MAPK10: variants seen among roughly 807,000 people sequenced by gnomAD.
MAPK10 encodes the protein JNK3 alpha protein kinase.
MAPK10 carries 25 observed loss-of-function variants against 59.3 expected under a neutral mutation model. The observed-to-expected ratio is 0.42, with a 90% confidence interval of 0.31 to 0.59. MAPK10 has a LOEUF of 0.59. Among genes scored for constraint, MAPK10 ranks in the 20% least tolerant of loss-of-function variants. The pLI is 0.15. For synonymous variants in MAPK10, 190 were observed against 200.5 expected (o/e 0.95, Z 0.44); for missense variants, 351 against 568.9 (o/e 0.62, Z 3.90).
chr4:86,166,368 G>C (rs1296448932), intron 3 of MAPK10, among the ~76,000 whole-genome samples: 1 of 152,046 alleles, frequency 6.6e-6, no homozygotes, highest in Non-Finnish European at 1.5e-5. Context: ...TTAGTGGAAA[G>C]GTTAAATAAG....
intron 2 of MAPK10, among the ~76,000 whole-genome samples, chr4:86,263,986 T>A (rs2094124699): frequency 6.6e-6 from 1 of 152,208 alleles, no homozygotes; most frequent in African/African-American, 2.4e-5. Flanking sequence ...TTCTCTCATA[T>A]GAATTCACAA....
At chr4:86,303,951 C>T (rs890323942) in intron 2 of MAPK10, among the ~76,000 whole-genome samples, 13 of 152,132 alleles carry the variant, frequency 8.5e-5, no homozygotes, top group African/African-American at 2.9e-4. Flanking sequence ...TCTGCACACA[C>T]CTATGGAATC....
intron 1 of MAPK10, among the ~76,000 whole-genome samples, chr4:86,380,869 A>AC (rs1740593560): frequency 1.3e-5 from 2 of 151,628 alleles, no homozygotes; most frequent in African/African-American, 2.4e-5. Flanking sequence ...TAAAAAAAAA[A>AC]AAAAAACACT....
intron 1 of MAPK10, among the ~76,000 whole-genome samples, chr4:86,588,993 T>C (rs1762830815): frequency 6.6e-6 from 1 of 152,126 alleles, no homozygotes. Flanking sequence ...GAGGATTTCG[T>C]TTCTGTGGGG....
intron 11 of MAPK10, among the ~76,000 whole-genome samples, chr4:86,042,258 G>A (rs1272690267): frequency 6.6e-6 from 1 of 152,190 alleles, no homozygotes; most frequent in African/African-American, 2.4e-5. Flanking sequence ...TCACTCATAA[G>A]TGAGAGTTGA....
chr4:86,396,706 C>A (rs1297458875), intron 1 of MAPK10, among the ~76,000 whole-genome samples: 1 of 152,104 alleles, frequency 6.6e-6, no homozygotes, highest in Non-Finnish European at 1.5e-5. Context: ...GAAACGGGAA[C>A]AGGTATGTCA....
intron 1 of MAPK10, among the ~76,000 whole-genome samples, chr4:86,429,234 G>A (rs1025472171): frequency 1.3e-4 from 20 of 152,188 alleles, no homozygotes; most frequent in East Asian, 1.9e-4. Flanking sequence ...ATTTGGTATC[G>A]GAGATTTCGA....
At chr4:86,593,701 G>T (rs1214494882) in intron 1 of MAPK10, 1 of 152,120 alleles carries the variant, frequency 6.6e-6, no homozygotes. Flanking sequence ...CCACACTTTT[G>T]AAGATAGCTT....
intron 1 of MAPK10, chr4:86,370,617 C>A (rs138652915): frequency 6.6e-6 from 1 of 151,446 alleles, no homozygotes; most frequent in Non-Finnish European, 1.5e-5. Flanking sequence ...AATCCCTACA[C>A]GTGAAACAAA....
At chr4:86,170,445 G>C (rs1000335857) in intron 3 of MAPK10, among the ~76,000 whole-genome samples, 3 of 151,426 alleles carry the variant, frequency 2.0e-5, no homozygotes, top group Admixed American at 6.6e-5. Flanking sequence ...TGTTGGATTT[G>C]TTAAACCAAC....
In MAPK10 at chr4:86,282,122, CTT is replaced by C. The variant is rs547114271; in HGVS notation, c.-7+72406_-7+72407del. ...ATTTATTGGCCTTTCAAGAAAAACT[CTT>C]AATTAAAAATTTAGATGATCTGATT... On this transcript the variant is annotated intron_variant, in intron 2 of 13. Coordinates refer to ENST00000641462, the MANE Select transcript of MAPK10 (RefSeq NM_138982.4). Among the ~76,000 whole-genome samples the C allele has an allele frequency of 6.1e-4, 93 of 152,210 alleles. 1 individual carries two copies. Among genetic ancestry groups the C allele is most frequent in the African/African-American group, 2.2e-3 (91 of 41,542 alleles).
chr4:86,261,843 G>A (rs567362275), intron 2 of MAPK10, among the ~76,000 whole-genome samples: 2 of 152,318 alleles, frequency 1.3e-5, no homozygotes, highest in South Asian at 4.1e-4. Context: ...ATAGCAAAGA[G>A]AAAGCAAAGA....
chr4:86,427,860 T>C (rs775394762), intron 1 of MAPK10, among the ~76,000 whole-genome samples: 11 of 152,230 alleles, frequency 7.2e-5, no homozygotes, highest in Non-Finnish European at 1.5e-4. Context: ...TTATAAAGAC[T>C]TCAAATACTT....
At chr4:86,161,381 GA>G (rs1344867049) in intron 3 of MAPK10, among the ~76,000 whole-genome samples, 1 of 152,012 alleles carries the variant, frequency 6.6e-6, no homozygotes. Flanking sequence ...GACAGTGGCA[GA>G]AAAAAGAACA....
In MAPK10 at chr4:86,402,509, A is replaced by G. The variant is rs1375622825; in HGVS notation, c.-121-47865T>C. On this transcript the variant is annotated intron_variant, in intron 1 of 13. Coordinates refer to the MAPK10 transcript ENST00000361569. Reference sequence around the variant, plus strand: ...TTAAAAATCAGCTGCTAAACCTGTGAGCAGAAACTTTGGGATTTTAAAGAG... The same window carrying G: ...TTAAAAATCAGCTGCTAAACCTGTGGGCAGAAACTTTGGGATTTTAAAGAG... 2.0e-5 allele frequency among the ~76,000 whole-genome samples: 3 copies of G among 152,226 alleles called. No homozygotes were observed. In the East Asian group the frequency reaches 5.8e-4, roughly 29 times the overall value.
chr4:86,164,876 CT>C (rs546786649), intron 3 of MAPK10, among the ~76,000 whole-genome samples: 110 of 152,202 alleles, frequency 7.2e-4, no homozygotes, highest in Non-Finnish European at 1.4e-3. Flanking sequence ...AAGTTCTCTT[CT>C]TTTTGTAAGC....
At chr4:86,587,943 GGAGTTTGA>G (rs1462605805) in intron 1 of MAPK10, among the ~76,000 whole-genome samples, 1 of 152,214 alleles carries the variant, frequency 6.6e-6, no homozygotes, top group Non-Finnish European at 1.5e-5. Context: ...CTTGAGCCCA[GGAGTTTGA>G]GGCCGCTGTG....
chr4:86,012,056 ATAAT>A lies in MAPK10; in HGVS notation c.*5168_*5171del, dbSNP rs1191689708. ...AATAGTTAAAATGAATAGAAATCTG[ATAAT>A]TAATCTGGGAAATTTAACCCTGCTC... On this transcript the variant is annotated 3_prime_UTR_variant, in exon 14 of 14. Transcript: ENST00000641462. 2.6e-5 allele frequency: 4 copies of A among 152,192 alleles called. No homozygotes were observed. The highest frequency in any genetic ancestry group is 4.4e-5 in the Non-Finnish European group (3 of 68,028). The allele number at this position is 152,192 out of a possible 1,614,324, so 9.4% of individuals were successfully genotyped here. A position where few individuals can be genotyped will look rare whatever the true frequency, so the allele number is the denominator to read the frequency against.
rs1258507409 is a variant in MAPK10 at position 86,064,355 on chromosome 4, C to G, written c.1021G>C (p.Val341Leu). The change falls in exon 11 of 14, where the codon GTG becomes CTG. Residue 341 changes from valine (V) to leucine (L), a missense_variant. Val to Leu is a conservative substitution (Grantham distance 32). Coordinates refer to ENST00000641462, the MANE Select transcript of MAPK10 (RefSeq NM_138982.4). ...QARDLLSKMLVIDPAKRISVD... is the reference protein window; with the variant it reads ...QARDLLSKMLLIDPAKRISVD... ...GATATTCTTTTTGCTGGGTCAATCA[C>G]TAGCATCTTTGACAACAAGTCCCTG... 3 of 1,614,112 alleles carry G rather than the reference C, an allele frequency of 1.9e-6. No homozygotes were observed. Among genetic ancestry groups the G allele is most frequent in the South Asian group, 2.2e-5 (2 of 91,082 alleles).
Sources: gnomAD v4.1 joint callset for allele counts (sites outside exome capture counted in the v4.1 genomes callset) on GRCh38, gnomAD v4.1.1 for gene constraint, MANE v1.5 for transcripts, NCBI Gene and HGNC (gene_info 2026-07-23, HGNC 2026-07-21) for gene names.